Variants in SUPT3H observed in about 807,000 individuals in gnomAD.
SUPT3H encodes SPT3 homolog, SAGA and STAGA complex component.
SUPT3H carries 44 observed loss-of-function variants against 44.3 expected under a neutral mutation model. That is an observed-to-expected ratio of 0.99 (90% confidence interval 0.78 to 1.28). The LOEUF is 1.28. SUPT3H is among the 50% of genes most tolerant of loss of function. The pLI is 0.00. For synonymous variants in SUPT3H, 124 were observed against 125.6 expected (o/e 0.99, Z 0.09); for missense variants, 380 against 387.1 (o/e 0.98, Z 0.15).
At chr6:45,357,181 G>T (rs2150227395) in intron 2 of SUPT3H, among the ~76,000 whole-genome samples, 1 of 151,830 alleles carries the variant, frequency 6.6e-6, no homozygotes, top group East Asian at 2.0e-4. Flanking sequence ...TAATTTTTTT[G>T]TATTTTTAGT....
intron 3 of SUPT3H, among the ~76,000 whole-genome samples, chr6:45,047,447 A>C (rs976667535): frequency 6.6e-6 from 1 of 152,170 alleles, no homozygotes; most frequent in South Asian, 2.1e-4. Flanking sequence ...AAGAAAGGAG[A>C]ATAACATACA....
At chr6:45,024,002 T>G (rs1467360291) in intron 3 of SUPT3H, among the ~76,000 whole-genome samples, 3 of 152,158 alleles carry the variant, frequency 2.0e-5, no homozygotes, top group Non-Finnish European at 4.4e-5. Flanking sequence ...GCATTTAATG[T>G]GAAAACAATA....
At chr6:45,171,359 G>A (rs1327627798) in intron 2 of SUPT3H, among the ~76,000 whole-genome samples, 4 of 152,016 alleles carry the variant, frequency 2.6e-5, no homozygotes, top group African/African-American at 9.7e-5. Flanking sequence ...ATTCAGTTTT[G>A]TTGTTTCTGT....
intron 2 of SUPT3H, among the ~76,000 whole-genome samples, chr6:45,296,116 T>C (rs115565341): frequency 0.024 from 3,610 of 151,968 alleles, 85 homozygotes; most frequent in Non-Finnish European, 0.04. Flanking sequence ...TTGTGATATA[T>C]ATATAAGTAT....
intron 1 of SUPT3H, among the ~76,000 whole-genome samples, chr6:45,365,515 TACTC>T (rs1259331769): frequency 6.6e-6 from 1 of 151,734 alleles, no homozygotes; most frequent in Admixed American, 6.6e-5. Context: ...GTCAGCCAAT[TACTC>T]ACTTCAGTGA....
intron 7 of SUPT3H, 22 bp from the exon 8 acceptor site, chr6:44,954,629 G>T: frequency 1.3e-6 from 2 of 1,490,792 alleles, no homozygotes; most frequent in Non-Finnish European, 1.9e-6. Flanking sequence ...AAAAAAACAA[G>T]TGCAGAAATT....
At position 45,162,821 on chromosome 6, in the gene SUPT3H, T is replaced by C. The variant is rs530379802; in HGVS notation, c.102-56815A>G. 1.2e-3 allele frequency among the ~76,000 whole-genome samples: 182 copies of C among 152,320 alleles called. 1 individual carries two copies. The highest frequency in any genetic ancestry group is 3.4e-3 in the Middle Eastern group (1 of 294). ...TTCATGATAAGAATAATGAACTGTC[T>C]ATAATCAATGAAGATCAAATGGGGG... On this transcript the variant is annotated intron_variant, in intron 2 of 10. Coordinates refer to ENST00000371459, the MANE Select transcript of SUPT3H (RefSeq NM_003599.4).
chr6:45,331,055 G>A (rs1310355467), intron 2 of SUPT3H, among the ~76,000 whole-genome samples: 3 of 151,980 alleles, frequency 2.0e-5, no homozygotes, highest in Admixed American at 6.6e-5. Context: ...TTTCCTAGGT[G>A]AGGTACAAAG....
rs574241833 is a variant in SUPT3H, at chr6:44,859,836, T to C, written c.913-29979A>G. ...TTCTGCTTTATAACTTAACCCCATTTCTTGTCCTTACAATATAATAATGTC... is the reference window on the plus strand; with the variant it reads ...TTCTGCTTTATAACTTAACCCCATTCCTTGTCCTTACAATATAATAATGTC... On this transcript the variant is annotated intron_variant, in intron 10 of 10. Coordinates refer to ENST00000371459, the MANE Select transcript of SUPT3H (RefSeq NM_003599.4). 8.5e-5 allele frequency among the ~76,000 whole-genome samples: 13 copies of C among 152,350 alleles called. No homozygotes were observed. The South Asian group carries it at 2.7e-3, about 32-fold the overall frequency.
intron 2 of SUPT3H, among the ~76,000 whole-genome samples, chr6:45,156,563 T>C (rs10948204): frequency 0.23 from 34,083 of 150,974 alleles, 4,534 homozygotes; most frequent in Non-Finnish European, 0.31. Context: ...GTTCTAATAC[T>C]AATATAATTA....
intron 2 of SUPT3H, among the ~76,000 whole-genome samples, chr6:45,161,772 G>A (rs923640350): frequency 6.6e-6 from 1 of 151,940 alleles, no homozygotes; most frequent in Admixed American, 6.6e-5. Context: ...TTCTTCTCTC[G>A]AATTTTTTCA....
intron 2 of SUPT3H, among the ~76,000 whole-genome samples, chr6:45,147,654 G>T (rs569913543): frequency 1.3e-5 from 2 of 151,986 alleles, no homozygotes; most frequent in Admixed American, 6.6e-5. Flanking sequence ...TCAGTGCCTG[G>T]TGTCATAGGA....
At chr6:44,956,038 T>G (rs505440) in intron 7 of SUPT3H, among the ~76,000 whole-genome samples, 1 of 151,480 alleles carries the variant, frequency 6.6e-6, no homozygotes, top group Non-Finnish European at 1.5e-5. Flanking sequence ...AGGAGAATGG[T>G]GTGAACCTGG....
At chr6:44,869,830 T>A (rs533599113) in intron 10 of SUPT3H, among the ~76,000 whole-genome samples, 4 of 152,246 alleles carry the variant, frequency 2.6e-5, no homozygotes, top group Non-Finnish European at 5.9e-5. Flanking sequence ...CACCTATCAA[T>A]CTTTAACAAG....
intron 6 of SUPT3H, among the ~76,000 whole-genome samples, chr6:44,993,075 A>G (rs1780806251): frequency 6.6e-6 from 1 of 152,114 alleles, no homozygotes; most frequent in Non-Finnish European, 1.5e-5. Context: ...AGGCTAGAGG[A>G]TCGATCAAGC....
chr6:44,853,376 A>G (rs148817412), intron 10 of SUPT3H, among the ~76,000 whole-genome samples: 1 of 152,160 alleles, frequency 6.6e-6, no homozygotes. Flanking sequence ...AATAAATGCA[A>G]GTGGTGCATG....
chr6:44,921,461 A>G (rs1361031770), intron 10 of SUPT3H, among the ~76,000 whole-genome samples: 1 of 152,222 alleles, frequency 6.6e-6, no homozygotes, highest in Non-Finnish European at 1.5e-5. Context: ...ATTGTTTGCC[A>G]TCAAAAATTA....
chr6:45,137,625 T>A (rs1185991877), intron 2 of SUPT3H, among the ~76,000 whole-genome samples: 1 of 151,826 alleles, frequency 6.6e-6, no homozygotes, highest in Admixed American at 6.6e-5. Context: ...CAAATTTTAA[T>A]TCCTAGAACC....
chr6:44,910,399 C>A (rs1439147512), intron 10 of SUPT3H, among the ~76,000 whole-genome samples: 1 of 152,298 alleles, frequency 6.6e-6, no homozygotes, highest in East Asian at 1.9e-4. Context: ...GAATTAATAA[C>A]CATTGTTCTC....
Sources: allele counts gnomAD v4.1 joint callset (sites outside exome capture counted in the v4.1 genomes callset), GRCh38; gene constraint gnomAD v4.1.1; transcripts MANE v1.5; gene names NCBI Gene and HGNC (gene_info 2026-07-23, HGNC 2026-07-21).